Variants in RAB28 observed in about 807,000 individuals in gnomAD.
The protein encoded by RAB28 is RAB28, member RAS oncogene family.
In RAB28, 24 loss-of-function variants were observed where a neutral mutation model predicts 31.7. The ratio of observed to expected loss-of-function variants is 0.76; its 90% CI spans 0.55 to 1.06. The LOEUF is 1.06. Among genes scored for constraint, RAB28 ranks in the 50% least tolerant of loss-of-function variants. The probability of loss-of-function intolerance (pLI) is 0.00; values close to 1 mark genes in which losing one functional copy is unlikely to be tolerated. For missense variants in RAB28, 254 were observed against 258.5 expected (o/e 0.98, Z 0.12); for synonymous variants, 100 against 90.4 (o/e 1.11, Z -0.60).
chr4:13,375,623 T>C (rs908028934), intron 6 of RAB28, among the ~76,000 whole-genome samples: 1 of 152,186 alleles, frequency 6.6e-6, no homozygotes, highest in Admixed American at 6.6e-5. Flanking sequence ...AGCACTGTAT[T>C]TGGCCATACC....
rs374768330 is a variant in RAB28, at chr4:13,453,634, T to G, written c.391+7065A>C. Among the ~76,000 whole-genome samples the G allele has an allele frequency of 7.2e-5, 11 of 152,286 alleles. No individual in the cohort carries two copies. The East Asian group carries it at 1.2e-3, about 16-fold the overall frequency. ...CTTGGCTGACGGGTTTTTTTTTTCT[T>G]TCAGAACTTTCAATAGGTAATTCCA... On this transcript the variant is annotated intron_variant, in intron 4 of 6. Transcript: ENST00000330852.
chr4:13,392,154 T>C (rs183840678), intron 4 of RAB28, among the ~76,000 whole-genome samples: 1 of 152,326 alleles, frequency 6.6e-6, no homozygotes, highest in East Asian at 1.9e-4. Context: ...CTGATTCTAG[T>C]GGAACACTAA....
At chr4:13,373,187 T>C (rs1489894803) in intron 6 of RAB28, among the ~76,000 whole-genome samples, 1 of 152,172 alleles carries the variant, frequency 6.6e-6, no homozygotes, top group Non-Finnish European at 1.5e-5. Context: ...AATTATCTAA[T>C]GCATTCTTAA....
intron 4 of RAB28, among the ~76,000 whole-genome samples, chr4:13,400,110 G>A (rs373302712): frequency 6.6e-6 from 1 of 151,980 alleles, no homozygotes; most frequent in Non-Finnish European, 1.5e-5. Context: ...TACTTATTAA[G>A]CATTCTCTTC....
chr4:13,442,428 T>G (rs1714471521), intron 4 of RAB28, among the ~76,000 whole-genome samples: 1 of 151,644 alleles, frequency 6.6e-6, no homozygotes, highest in African/African-American at 2.4e-5. Context: ...GCTTTCACCA[T>G]TCAGATTAGA....
At chr4:13,391,142 T>C (rs1377142691) in intron 4 of RAB28, among the ~76,000 whole-genome samples, 3 of 152,160 alleles carry the variant, frequency 2.0e-5, no homozygotes, top group Non-Finnish European at 2.9e-5. Context: ...GAGAACATTT[T>C]TGCAATCTAC....
chr4:13,404,500 A>T (rs1339007962), intron 4 of RAB28, among the ~76,000 whole-genome samples: 1 of 152,228 alleles, frequency 6.6e-6, no homozygotes, highest in African/African-American at 2.4e-5. Flanking sequence ...CTAAAATTAA[A>T]CACAAAATTT....
chr4:13,398,522 T>G (rs1297043301), intron 4 of RAB28, among the ~76,000 whole-genome samples: 3 of 152,298 alleles, frequency 2.0e-5, no homozygotes, highest in African/African-American at 7.2e-5. Flanking sequence ...CTCACGCCTG[T>G]AAGCCCAGCA....
At chr4:13,393,041 C>T (rs1464247384) in intron 4 of RAB28, among the ~76,000 whole-genome samples, 1 of 152,106 alleles carries the variant, frequency 6.6e-6, no homozygotes, top group African/African-American at 2.4e-5. Flanking sequence ...TTTGTCCATG[C>T]ATTTATTTAC....
At chr4:13,440,039 G>C (rs1714331302) in intron 4 of RAB28, among the ~76,000 whole-genome samples, 1 of 152,038 alleles carries the variant, frequency 6.6e-6, no homozygotes, top group Non-Finnish European at 1.5e-5. Context: ...TGTCATGACT[G>C]CCTTGCTGCA....
At chr4:13,459,326 GT>G (rs1560140737) in intron 4 of RAB28, among the ~76,000 whole-genome samples, 1 of 152,154 alleles carries the variant, frequency 6.6e-6, no homozygotes, top group African/African-American at 2.4e-5. Context: ...TTGTGATCAT[GT>G]GAGTCAATTC....
At chr4:13,392,578 C>T (rs1214673511) in intron 4 of RAB28, among the ~76,000 whole-genome samples, 2 of 152,206 alleles carry the variant, frequency 1.3e-5, no homozygotes, top group African/African-American at 2.4e-5. Context: ...CACTCTCCAA[C>T]AGCGTGCAAG....
At chr4:13,459,674 C>T (rs1012827312) in intron 4 of RAB28, 1 of 827,128 alleles carries the variant, frequency 1.2e-6, no homozygotes, top group Non-Finnish European at 1.5e-6. Flanking sequence ...CCCTAGTACA[C>T]TCTTTCTCAA....
intron 6 of RAB28, among the ~76,000 whole-genome samples, chr4:13,372,579 G>A (rs527961673): frequency 4.3e-4 from 66 of 152,130 alleles, no homozygotes; most frequent in South Asian, 1.7e-3. Flanking sequence ...ATTAAGCAAC[G>A]TTCAATATCT....
intron 4 of RAB28, among the ~76,000 whole-genome samples, chr4:13,398,691 C>T (rs1019247072): frequency 6.6e-5 from 10 of 150,644 alleles, no homozygotes; most frequent in South Asian, 2.1e-4. Flanking sequence ...GGCAGGAGAA[C>T]GGCGTGAACC....
chr4:13,463,266 C>T (rs1053544805), intron 3 of RAB28, among the ~76,000 whole-genome samples: 8 of 152,026 alleles, frequency 5.3e-5, no homozygotes, highest in South Asian at 2.1e-4. Flanking sequence ...GGGACAACAC[C>T]TGAATATGGT....
At chr4:13,442,634 AT>A (rs1246103351) in intron 4 of RAB28, among the ~76,000 whole-genome samples, 2 of 151,966 alleles carry the variant, frequency 1.3e-5, no homozygotes, top group African/African-American at 4.8e-5. Flanking sequence ...TATTAGAAAA[AT>A]ATATATATTT....
At chr4:13,469,646 C>T (rs1047112685) in intron 3 of RAB28, among the ~76,000 whole-genome samples, 1 of 151,926 alleles carries the variant, frequency 6.6e-6, no homozygotes, top group Non-Finnish European at 1.5e-5. Context: ...ATCTAATAAG[C>T]ATGATGAGTG....
chr4:13,373,646 G>A (rs1400500439), intron 6 of RAB28, among the ~76,000 whole-genome samples: 1 of 152,102 alleles, frequency 6.6e-6, no homozygotes, highest in Admixed American at 6.6e-5. Flanking sequence ...TGCAAAGTGT[G>A]TTGATAACTC....
Sources: gnomAD v4.1 joint callset for allele counts (sites outside exome capture counted in the v4.1 genomes callset) on GRCh38, gnomAD v4.1.1 for gene constraint, MANE v1.5 for transcripts, NCBI Gene and HGNC (gene_info 2026-07-23, HGNC 2026-07-21) for gene names.